Variants in INSR observed in about 807,000 individuals in gnomAD.
INSR encodes the protein insulin receptor.
INSR carries 67 observed loss-of-function variants against 142.6 expected under a neutral mutation model. The observed-to-expected ratio is 0.47, with a 90% CI of 0.39 to 0.58. The LOEUF is 0.58. Ranked by LOEUF, INSR falls within the 20% of genes least tolerant of loss-of-function variation. The pLI is 0.00. For missense variants in INSR, 1,248 were observed against 1,833.2 expected, an observed-to-expected ratio of 0.68 and a Z score of 5.83; for synonymous variants, 756 against 743.1, an observed-to-expected ratio of 1.02 and a Z score of -0.28.
At chr19:7,197,368 T>G (rs1413089056) in intron 2 of INSR, among the ~76,000 whole-genome samples, 3 of 151,124 alleles carry the variant, frequency 2.0e-5, no homozygotes, top group Non-Finnish European at 4.4e-5. Context: ...GGGGAGGGAG[T>G]GAGTCCGTCC....
chr19:7,130,314 C>T (rs571247067), intron 14 of INSR, among the ~76,000 whole-genome samples: 13 of 152,260 alleles, frequency 8.5e-5, no homozygotes, highest in African/African-American at 3.1e-4. Context: ...GACAGAAAAC[C>T]AACTACCTCA....
chr19:7,153,164 T>C (rs199933495), intron 9 of INSR, among the ~76,000 whole-genome samples: 5 of 9,074 alleles, frequency 5.5e-4, no homozygotes, highest in Non-Finnish European at 1.1e-3. Context: ...ACACCACACA[T>C]ACACACACCA....
rs550689622 is a variant in INSR at position 7,112,494 on chromosome 19, G to A, written c.*4562C>T. ...CTGCGTTGCCAACGCACAGGGCCGA[G>A]GCCACCCAGGCACACAAAGGGACGA... is the stretch of plus-strand genomic sequence containing the variant. On this transcript the variant is annotated 3_prime_UTR_variant, in exon 22 of 22. Transcript: ENST00000302850. 1.3e-5 allele frequency: 2 copies of A among 152,284 alleles called. No individual in the cohort carries two copies. The highest frequency in any genetic ancestry group is 6.5e-5 in the Admixed American group (1 of 15,300). The allele number at this position is 152,284 out of a possible 1,614,324, so 9.4% of individuals were successfully genotyped here.
rs1972438124 is a variant in INSR at position 7,119,780 on chromosome 19, A to G, written c.3660-197T>C. On this transcript the variant is annotated intron_variant, in intron 20 of 21. Coordinates refer to ENST00000302850, the MANE Select transcript of INSR (RefSeq NM_000208.4). This position sits in a 1 kb window ranked among gnomAD's most constrained non-coding sequence, Gnocchi z 5.2. ...CAAATACACACAAACACGCATGCGC[A>G]CACATGCACACACAAATATGCAAAC... 6.6e-6 allele frequency among the ~76,000 whole-genome samples: 1 copy of G among 151,770 alleles called. No homozygotes were observed. The highest frequency in any genetic ancestry group is 2.4e-5 in the African/African-American group (1 of 41,288).
intron 2 of INSR, among the ~76,000 whole-genome samples, chr19:7,266,950 T>A (rs1967751804): frequency 6.6e-6 from 1 of 152,070 alleles, no homozygotes; most frequent in Non-Finnish European, 1.5e-5. Context: ...CCACTCCTTT[T>A]CCTCTCCCAA....
intron 7 of INSR, among the ~76,000 whole-genome samples, chr19:7,167,272 G>A (rs1032055543): frequency 6.6e-6 from 1 of 152,124 alleles, no homozygotes; most frequent in Non-Finnish European, 1.5e-5. Flanking sequence ...TTGAGGGCTA[G>A]AACTATTATT....
intron 9 of INSR, among the ~76,000 whole-genome samples, chr19:7,153,370 C>CACACACCACACACCAGACACACCAA (rs1490656300): frequency 1.4e-5 from 1 of 69,406 alleles, no homozygotes; most frequent in Admixed American, 1.3e-4. Flanking sequence ...ACACACCCCA[C>CACACACCACACACCAGACACACCAA]ACACACCATA....
intron 3 of INSR, among the ~76,000 whole-genome samples, chr19:7,177,613 C>T (rs1167031282): frequency 5.3e-5 from 8 of 151,720 alleles, no homozygotes; most frequent in South Asian, 2.1e-4. Context: ...CTGCAAGCTC[C>T]GCCTCCCAGG....
intron 9 of INSR, among the ~76,000 whole-genome samples, chr19:7,153,358 C>CACTATACA (rs1973485522): frequency 1.1e-5 from 1 of 94,332 alleles, no homozygotes; most frequent in African/African-American, 6.2e-5. Context: ...AGACCACACA[C>CACTATACA]CACACACCCC....
chr19:7,164,574 T>C (rs1176787077), intron 8 of INSR, among the ~76,000 whole-genome samples: 2 of 149,554 alleles, frequency 1.3e-5, no homozygotes, highest in African/African-American at 2.5e-5. Flanking sequence ...TCCCAGCACT[T>C]TGGGAAGCCG....
In INSR at chr19:7,267,928, G is replaced by T; in HGVS notation, c.101-32C>A. The T allele has an allele frequency of 6.3e-7, 1 of 1,587,146 alleles. No individual in the cohort carries two copies. The highest frequency in any genetic ancestry group is 1.1e-5 in the South Asian group (1 of 89,268). ...GAGAAAATGAACAGAAAGCAAGACA[G>T]GTGAGCAGACGCACGGTGGATGCAT... On this transcript the variant is annotated intron_variant, in intron 1 of 21. Coordinates refer to ENST00000302850, the MANE Select transcript of INSR (RefSeq NM_000208.4). This position sits in a 1 kb window ranked among gnomAD's most constrained non-coding sequence, Gnocchi z 6.3.
chr19:7,203,275 C>T (rs1357387112), intron 2 of INSR, among the ~76,000 whole-genome samples: 1 of 152,110 alleles, frequency 6.6e-6, no homozygotes, highest in East Asian at 1.9e-4. Context: ...AAAGATCATC[C>T]CTTCAAACCA....
chr19:7,114,997 A>G lies in INSR; in HGVS notation c.*2059T>C, dbSNP rs887009552. 4 of 152,182 alleles carry G rather than the reference A, an allele frequency of 2.6e-5. No individual in the cohort carries two copies. The highest frequency in any genetic ancestry group is 5.9e-5 in the Non-Finnish European group (4 of 68,032). 9.4% of individuals were successfully genotyped at this position (152,182 alleles called of 1,614,324 possible). ...TCTGTACTCTTGCTTCTTGTACCCAATCACTGAGGCTCCTCAGCAATATTT... is the reference window on the plus strand; with the variant it reads ...TCTGTACTCTTGCTTCTTGTACCCAGTCACTGAGGCTCCTCAGCAATATTT... On this transcript the variant is annotated 3_prime_UTR_variant, in exon 22 of 22. Coordinates refer to ENST00000302850, the MANE Select transcript of INSR (RefSeq NM_000208.4).
intron 15 of INSR, among the ~76,000 whole-genome samples, chr19:7,127,181 C>T (rs1228206379): frequency 1.3e-5 from 2 of 152,160 alleles, no homozygotes; most frequent in Non-Finnish European, 2.9e-5. Flanking sequence ...TACAGATATG[C>T]ACGACCATGC....
At chr19:7,161,267 T>A (rs1362787789) in intron 9 of INSR, among the ~76,000 whole-genome samples, 5 of 151,542 alleles carry the variant, frequency 3.3e-5, no homozygotes, top group African/African-American at 4.8e-5. Flanking sequence ...ATAATTTTTT[T>A]TATATATATA....
chr19:7,211,243 T>C (rs1383824091), intron 2 of INSR, among the ~76,000 whole-genome samples: 1 of 152,174 alleles, frequency 6.6e-6, no homozygotes, highest in Non-Finnish European at 1.5e-5. Flanking sequence ...ATTTTTATAT[T>C]TGTAGTAGAA....
chr19:7,187,093 T>G (rs1175331020), intron 2 of INSR, among the ~76,000 whole-genome samples: 1 of 151,370 alleles, frequency 6.6e-6, no homozygotes, highest in Non-Finnish European at 1.5e-5. Flanking sequence ...TTTAAAAAAT[T>G]TATTTTGAGA....
In INSR at chr19:7,225,339, G is replaced by A. The variant is rs1018817559; in HGVS notation, c.653-40702C>T. On this transcript the variant is annotated intron_variant, in intron 2 of 21. Transcript: ENST00000302850. The surrounding 1 kb of genome is among the most constrained non-coding windows in gnomAD (Gnocchi z 4.7). ...AGAAACGCTAATGTTCCCCTTCCCCGACACTTTCTCCAGATCAGCTTAGGG... is the reference window on the plus strand; with the variant it reads ...AGAAACGCTAATGTTCCCCTTCCCCAACACTTTCTCCAGATCAGCTTAGGG... Among the ~76,000 whole-genome samples the A allele has an allele frequency of 2.0e-5, 3 of 152,034 alleles. No individual in the cohort carries two copies. Among genetic ancestry groups the A allele is most frequent in the African/African-American group, 7.3e-5 (3 of 41,376 alleles).
In INSR at chr19:7,247,720, G is replaced by T. The variant is rs529018721; in HGVS notation, c.652+19625C>A. Among the ~76,000 whole-genome samples, 11 of 152,252 alleles carry T rather than the reference G, an allele frequency of 7.2e-5. No individual in the cohort carries two copies. The South Asian group carries it at 2.1e-3, about 29-fold the overall frequency. On this transcript the variant is annotated intron_variant, in intron 2 of 21. Transcript: ENST00000302850. Reference sequence around the variant, plus strand: ...AGAAAAGCTAGACAATTTGCCCAAGGTCACAAAACAGATATAGGCTTCAAA... The same window carrying T: ...AGAAAAGCTAGACAATTTGCCCAAGTTCACAAAACAGATATAGGCTTCAAA...
Sources: gnomAD v4.1 joint callset for allele counts (sites outside exome capture counted in the v4.1 genomes callset) on GRCh38, gnomAD v4.1.1 for gene constraint, Gnocchi (gnomAD v3.1) non-coding constraint, MANE v1.5 for transcripts, NCBI Gene and HGNC (gene_info 2026-07-23, HGNC 2026-07-21) for gene names.